Variants in KIAA2012 observed in about 807,000 individuals in gnomAD.
The protein encoded by KIAA2012 is KIAA2012, also known as uncharacterized protein KIAA2012.
KIAA2012 carries 125 observed loss-of-function variants against 150.6 expected under a neutral mutation model. That is an observed-to-expected ratio of 0.83 (90% CI 0.72 to 0.96). KIAA2012 has a LOEUF of 0.96. KIAA2012 is among the 40% of genes least tolerant of loss of function. The probability of loss-of-function intolerance (pLI) is 0.00; values close to 1 mark genes in which losing one functional copy is unlikely to be tolerated. For synonymous variants in KIAA2012, 462 were observed against 504.7 expected (o/e 0.92, Z 1.13); for missense variants, 1,219 against 1,354.9 (o/e 0.90, Z 1.57).
intron 10 of KIAA2012, among the ~76,000 whole-genome samples, chr2:202,112,961 G>A (rs933131706): frequency 1.3e-5 from 2 of 152,170 alleles, no homozygotes; most frequent in African/African-American, 2.4e-5. Flanking sequence ...GCAGAGGCAG[G>A]AAGCAGGAAG....
At chr2:202,103,158 T>TGGGG in intron 8 of KIAA2012, 44 bp downstream of exon 8, 1 of 1,533,826 alleles carries the variant, frequency 6.5e-7, no homozygotes, top group Non-Finnish European at 8.8e-7. Context: ...GAGCCTGGGA[T>TGGGG]GGGGGGTCCT....
At chr2:202,114,263 A>C (rs1187855028) in intron 11 of KIAA2012, 1 of 157,882 alleles carries the variant, frequency 6.3e-6, no homozygotes, top group African/African-American at 2.4e-5. Context: ...CCCCTGAGAA[A>C]TTCCTTGACC....
chr2:202,129,775 C>T (rs1297180970), intron 12 of KIAA2012, among the ~76,000 whole-genome samples: 1 of 151,860 alleles, frequency 6.6e-6, no homozygotes, highest in Non-Finnish European at 1.5e-5. Context: ...TTCAAGACCA[C>T]CCCGGCCAAC....
chr2:202,141,081 G>A (rs1691187952), intron 13 of KIAA2012, among the ~76,000 whole-genome samples: 2 of 152,234 alleles, frequency 1.3e-5, no homozygotes, highest in South Asian at 4.1e-4. Flanking sequence ...GCCACAGGGT[G>A]CTCTGCAGAG....
At chr2:202,180,616 G>A (rs1214431020) in intron 15 of KIAA2012, among the ~76,000 whole-genome samples, 1 of 152,166 alleles carries the variant, frequency 6.6e-6, no homozygotes, top group Non-Finnish European at 1.5e-5. Context: ...CTCGAGGCCA[G>A]GGTTTAAGAC....
chr2:202,102,190 G>GCACACA (rs57274823), intron 7 of KIAA2012, among the ~76,000 whole-genome samples: 52 of 150,630 alleles, frequency 3.5e-4, no homozygotes, highest in African/African-American at 1.2e-3. Context: ...ACACATACAC[G>GCACACA]CACACACACA....
chr2:202,134,349 T>C (rs1243631393), intron 12 of KIAA2012, among the ~76,000 whole-genome samples: 2 of 148,366 alleles, frequency 1.3e-5, no homozygotes, highest in Admixed American at 1.3e-4. Flanking sequence ...CCACTGGATA[T>C]TTGGCCACTT....
intron 11 of KIAA2012, chr2:202,116,117 A>G (rs1049937512): frequency 2.0e-5 from 3 of 152,246 alleles, no homozygotes; most frequent in Non-Finnish European, 4.4e-5. Context: ...TGCCAGCAAT[A>G]GAAGTTTTCT....
intron 19 of KIAA2012, among the ~76,000 whole-genome samples, chr2:202,190,924 G>T (rs1020495215): frequency 6.6e-6 from 1 of 152,152 alleles, no homozygotes; most frequent in African/African-American, 2.4e-5. Context: ...CCTAATCTGC[G>T]TTTCTGCGGT....
At chr2:202,081,767 G>A (rs535623985) in intron 2 of KIAA2012, among the ~76,000 whole-genome samples, 4 of 151,878 alleles carry the variant, frequency 2.6e-5, no homozygotes, top group African/African-American at 4.8e-5. Flanking sequence ...GGCTGGTCTC[G>A]AACTCCCAAC....
In KIAA2012 at chr2:202,073,658, CA is replaced by C; in HGVS notation, c.32del (p.His11ProfsTer11). On this transcript the variant is annotated frameshift_variant, in exon 1 of 24. Transcript: ENST00000498697. LOFTEE classifies it high-confidence loss of function. MFTLSLLSRGHGKLGQDKQKL... is the reference protein window; with the variant it reads MFTLSLLSRGXGKLGQDKQKL... ...CACGCTCTCCCTCCTGAGCCGGGGC[CA>C]CGGGAAGCTGGGCCAGGACAAACAG... 6.5e-7 allele frequency: 1 copy of C among 1,550,338 alleles called. No homozygotes were observed. Among genetic ancestry groups the C allele is most frequent in the Non-Finnish European group, 8.7e-7 (1 of 1,146,906 alleles).
chr2:202,181,944 A>G (rs1309456019), intron 15 of KIAA2012, among the ~76,000 whole-genome samples: 1 of 152,122 alleles, frequency 6.6e-6, no homozygotes, highest in Non-Finnish European at 1.5e-5. Flanking sequence ...CACAATCGAA[A>G]TACAATATTC....
At chr2:202,184,917 G>T in intron 16 of KIAA2012, 74 bp downstream of exon 16, 1 of 1,322,310 alleles carries the variant, frequency 7.6e-7, no homozygotes, top group Non-Finnish European at 1.0e-6. Context: ...GGTTTAGTTT[G>T]GTTTTTTTTC....
At position 202,097,469 on chromosome 2, in the gene KIAA2012, T is replaced by C. The variant is rs1444021473; in HGVS notation, c.720T>C (p.Ala240=). 6.4e-7 allele frequency: 1 copy of C among 1,550,560 alleles called. No individual in the cohort carries two copies. Among genetic ancestry groups the C allele is most frequent in the Admixed American group, 2.0e-5 (1 of 51,008 alleles). Residue 240 remains alanine (A), a synonymous_variant, in exon 5 of 24, where the codon GCT becomes GCC. Transcript: ENST00000498697. ...GCCTGGATGAAGGGGAAGCTGGAGC[T>C]GCTGGACACGTGGACCAGGGCCCTC... ...QQGLDEGEAG[A]AGHVDQGPLA... is the part of the protein sequence containing the mutation.
intron 14 of KIAA2012, among the ~76,000 whole-genome samples, chr2:202,161,396 T>C (rs1448398772): frequency 6.6e-6 from 1 of 152,228 alleles, no homozygotes; most frequent in African/African-American, 2.4e-5. Flanking sequence ...ATTGGCCCTC[T>C]GGTTAAATTC....
chr2:202,142,829 A>G (rs1254657050), intron 13 of KIAA2012, among the ~76,000 whole-genome samples: 6 of 152,130 alleles, frequency 3.9e-5, no homozygotes, highest in African/African-American at 1.2e-4. Flanking sequence ...GCATTAAAAA[A>G]GAATGATTGT....
chr2:202,081,605 T>C (rs4675258), intron 2 of KIAA2012, among the ~76,000 whole-genome samples: 23,604 of 149,044 alleles, frequency 0.16, 2,669 homozygotes, highest in East Asian at 0.32. Flanking sequence ...TGGAGTGCAA[T>C]GGCGCGATCT....
At chr2:202,155,147 A>G (rs2105711801) in intron 14 of KIAA2012, among the ~76,000 whole-genome samples, 1 of 152,344 alleles carries the variant, frequency 6.6e-6, no homozygotes, top group African/African-American at 2.4e-5. Context: ...TTACTGTTTT[A>G]CCACTGTCAC....
chr2:202,087,510 CAAAAAA>C (rs59728832), intron 2 of KIAA2012, among the ~76,000 whole-genome samples: 2 of 52,524 alleles, frequency 3.8e-5, no homozygotes, highest in Admixed American at 2.7e-4. Flanking sequence ...GAAACCATCT[CAAAAAA>C]AAAAAAAAAA....
Sources: gnomAD v4.1 joint callset for allele counts (sites outside exome capture counted in the v4.1 genomes callset) on GRCh38, gnomAD v4.1.1 for gene constraint, MANE v1.5 for transcripts, NCBI Gene and HGNC (gene_info 2026-07-23, HGNC 2026-07-21) for gene names.